ARMC8: variants seen among roughly 807,000 people sequenced by gnomAD.
ARMC8 encodes armadillo repeat-containing protein 8.
Under a neutral mutation model 99.3 loss-of-function variants are expected in ARMC8, and 20 were observed. The observed-to-expected ratio is 0.20, with a 90% CI of 0.14 to 0.29. The LOEUF (loss-of-function observed/expected upper bound fraction) is 0.29, where lower values mean the gene tolerates loss of function less well. ARMC8 is among the 10% of genes least tolerant of loss of function. The pLI, the probability that ARMC8 is intolerant of heterozygous loss-of-function variation, is 1.00. For missense variants in ARMC8, 569 were observed against 809.5 expected (o/e 0.70, Z 3.60); for synonymous variants, 263 against 278.3 (o/e 0.95, Z 0.55).
chr3:138,255,348 G>A (rs1357228645), intron 12 of ARMC8, among the ~76,000 whole-genome samples: 4 of 151,916 alleles, frequency 2.6e-5, no homozygotes, highest in African/African-American at 7.2e-5. Context: ...GACTACAGGC[G>A]CCTGCAACCA....
At chr3:138,203,006 G>A (rs1032589311) in intron 1 of ARMC8, among the ~76,000 whole-genome samples, 1 of 152,100 alleles carries the variant, frequency 6.6e-6, no homozygotes, top group Non-Finnish European at 1.5e-5. Context: ...CCATAGTCAT[G>A]GGTAGTTTAT....
chr3:138,238,521 A>C (rs776840880), intron 9 of ARMC8: 1 of 152,134 alleles, frequency 6.6e-6, no homozygotes, highest in Non-Finnish European at 1.5e-5. Flanking sequence ...TTTGGTGAGA[A>C]TTTGGCATTT....
chr3:138,287,685 A>C (rs143212395), intron 19 of ARMC8: 7 of 456,746 alleles, frequency 1.5e-5, no homozygotes, highest in African/African-American at 1.4e-4. Context: ...AGAAGAAAGA[A>C]TCACTAGCCA....
chr3:138,200,705 C>G (rs2044005185), intron 1 of ARMC8, among the ~76,000 whole-genome samples: 1 of 151,836 alleles, frequency 6.6e-6, no homozygotes, highest in South Asian at 2.1e-4. Flanking sequence ...TAGCATACAC[C>G]CTTCCCTTTT....
intron 17 of ARMC8, 112 bp downstream of exon 17, chr3:138,273,228 C>T: frequency 8.9e-7 from 1 of 1,124,698 alleles, no homozygotes; most frequent in Non-Finnish European, 1.2e-6. Flanking sequence ...GATTCAAATG[C>T]TGCCCCCTTC....
At chr3:138,190,225 G>A (rs2043301261) in intron 1 of ARMC8, among the ~76,000 whole-genome samples, 2 of 148,848 alleles carry the variant, frequency 1.3e-5, no homozygotes, top group Admixed American at 1.3e-4. Flanking sequence ...AATTTGTTTT[G>A]CCCAAAGGCC....
chr3:138,281,392 A>G (rs2049913983), intron 18 of ARMC8, among the ~76,000 whole-genome samples: 1 of 151,474 alleles, frequency 6.6e-6, no homozygotes, highest in Middle Eastern at 3.2e-3. Flanking sequence ...TCCCAGGTTT[A>G]ATAGATTCTC....
At chr3:138,239,234 T>C (rs2046484038) in intron 9 of ARMC8, 1 of 407,796 alleles carries the variant, frequency 2.5e-6, no homozygotes, top group Non-Finnish European at 4.3e-6. Flanking sequence ...TTGGTAGGTT[T>C]TTGTTTCATT....
At chr3:138,262,539 T>G (rs748607530) in intron 12 of ARMC8, 1 of 1,612,812 alleles carries the variant, frequency 6.2e-7, no homozygotes, top group Non-Finnish European at 8.5e-7. Flanking sequence ...ATCCTCTCAT[T>G]TTAGTCTAGG....
At chr3:138,256,402 C>CTTTTTTTTTTT (rs71146121) in intron 12 of ARMC8, among the ~76,000 whole-genome samples, 21 of 90,274 alleles carry the variant, frequency 2.3e-4, no homozygotes, top group African/African-American at 8.6e-4. Context: ...TTTCCTCCTT[C>CTTTTTTTTTTT]TTTTTTTTTT....
intron 2 of ARMC8, among the ~76,000 whole-genome samples, chr3:138,218,040 T>C (rs184940425): frequency 6.6e-6 from 1 of 152,312 alleles, no homozygotes; most frequent in East Asian, 1.9e-4. Flanking sequence ...TCAACAAATA[T>C]TTATTGAGTG....
chr3:138,247,464 C>G lies in ARMC8; in HGVS notation c.1134+2281C>G, dbSNP rs1023391046. 4.6e-5 allele frequency among the ~76,000 whole-genome samples: 7 copies of G among 152,088 alleles called. 1 individual carries two copies. The highest frequency in any genetic ancestry group is 3.9e-4 in the Admixed American group (6 of 15,266). The stretch of plus-strand genomic sequence containing the variant: ...CCTACTTCTCCCCCTCAAAAACCAA[C>G]AAAAAGTTTGTTTGTTTCAGGAGAA... On this transcript the variant is annotated intron_variant, in intron 12 of 21. Coordinates refer to ENST00000469044, the MANE Select transcript of ARMC8 (RefSeq NM_001363941.2).
intron 2 of ARMC8, among the ~76,000 whole-genome samples, chr3:138,217,977 C>T (rs2045169874): frequency 6.6e-6 from 1 of 152,170 alleles, no homozygotes; most frequent in Admixed American, 6.5e-5. Flanking sequence ...CCTTTGGCTG[C>T]TCCACTAATC....
rs2051489363 is a variant in ARMC8 at position 138,296,416 on chromosome 3, T to C, written c.*524T>C. 1 of 152,216 alleles carries C rather than the reference T, an allele frequency of 6.6e-6. No homozygotes were observed. Among genetic ancestry groups the C allele is most frequent in the Admixed American group, 6.5e-5 (1 of 15,282 alleles). The allele number at this position is 152,216 out of a possible 1,614,324, so 9.4% of individuals were successfully genotyped here. ...ATTATATACAGTTTGAATGAAATGT[T>C]ATTTTAAAAACAAAACAATTGTTAA... is the stretch of plus-strand genomic sequence containing the variant. On this transcript the variant is annotated 3_prime_UTR_variant, in exon 22 of 22. Coordinates refer to ENST00000469044, the MANE Select transcript of ARMC8 (RefSeq NM_001363941.2).
intron 7 of ARMC8, 89 bp downstream of exon 7, chr3:138,235,203 A>G (rs748417335): frequency 2.1e-6 from 2 of 941,286 alleles, no homozygotes; most frequent in Admixed American, 2.3e-5. Flanking sequence ...TTCTTTGATA[A>G]TTGTGATCAA....
At chr3:138,292,229 AG>A (rs1036084259) in intron 21 of ARMC8, among the ~76,000 whole-genome samples, 1 of 151,978 alleles carries the variant, frequency 6.6e-6, no homozygotes, top group African/African-American at 2.4e-5. Context: ...TAGTAGAGAC[AG>A]GGTTTTACCA....
At chr3:138,193,985 A>C (rs1430881936) in intron 1 of ARMC8, among the ~76,000 whole-genome samples, 1 of 151,902 alleles carries the variant, frequency 6.6e-6, no homozygotes, top group African/African-American at 2.4e-5. Flanking sequence ...TATTATAAAC[A>C]GCTGGGCACT....
At chr3:138,221,539 A>G (rs1317122304) in intron 2 of ARMC8, among the ~76,000 whole-genome samples, 1 of 152,178 alleles carries the variant, frequency 6.6e-6, no homozygotes, top group Non-Finnish European at 1.5e-5. Flanking sequence ...GATCATTGAA[A>G]CAAGGAGTTA....
At chr3:138,220,176 TA>T (rs2108069939) in intron 2 of ARMC8, among the ~76,000 whole-genome samples, 1 of 152,314 alleles carries the variant, frequency 6.6e-6, no homozygotes, top group Non-Finnish European at 1.5e-5. Flanking sequence ...GATTAGGAAC[TA>T]AAGCCTCTAA....
Sources: gnomAD v4.1 joint callset for allele counts (sites outside exome capture counted in the v4.1 genomes callset) on GRCh38, gnomAD v4.1.1 for gene constraint, MANE v1.5 for transcripts, NCBI Gene and HGNC (gene_info 2026-07-23, HGNC 2026-07-21) for gene names.